The following CWF19L2 variants were observed in gnomAD, a reference collection of about 807,000 sequenced individuals.
CWF19L2 encodes CWF19-like protein 2.
Under a neutral mutation model 111.7 loss-of-function variants are expected in CWF19L2, and 98 were observed. The observed-to-expected ratio is 0.88, with a 90% CI of 0.75 to 1.04. The LOEUF is 1.04. Ranked by LOEUF, CWF19L2 falls within the 50% of genes least tolerant of loss-of-function variation. The pLI is 0.00. For missense variants in CWF19L2, 1,101 were observed against 1,051.4 expected (o/e 1.05, Z -0.65); for synonymous variants, 351 against 342.9 (o/e 1.02, Z -0.26).
At chr11:107,327,425 C>T (rs1008019626) in intron 17 of CWF19L2, among the ~76,000 whole-genome samples, 28 of 152,176 alleles carry the variant, frequency 1.8e-4, no homozygotes, top group African/African-American at 6.0e-4. Context: ...CAATTATTAA[C>T]TTTACTGCTC....
chr11:107,349,622 C>CT (rs983500108), intron 13 of CWF19L2, among the ~76,000 whole-genome samples: 5 of 48,770 alleles, frequency 1.0e-4, no homozygotes, highest in African/African-American at 9.7e-4. Flanking sequence ...TACAAACTGT[C>CT]TTAAAAAAAA....
Position 107,361,064 on chromosome 11 carries a change from T to C in CWF19L2, c.1873-7328A>G, listed in dbSNP as rs141975340. Among the ~76,000 whole-genome samples, 38 of 152,364 alleles carry C rather than the reference T, an allele frequency of 2.5e-4. No homozygotes were observed. The East Asian group carries it at 6.9e-3, about 28-fold the overall frequency. On this transcript the variant is annotated intron_variant, in intron 12 of 17. Transcript: ENST00000282251. ...GAAGAGTTTCCCCTAGGTTTTCTTC[T>C]AGAGTTTTTATGGTTTCAAGTTCTC...
At chr11:107,371,930 T>C (rs547526281) in intron 12 of CWF19L2, among the ~76,000 whole-genome samples, 1 of 137,702 alleles carries the variant, frequency 7.3e-6, no homozygotes, top group East Asian at 2.1e-4. Flanking sequence ...ATCATCCTTT[T>C]TTGTGCTTGT....
chr11:107,329,853 T>C, intron 17 of CWF19L2, 65 bp downstream of exon 17: 1 of 1,298,678 alleles, frequency 7.7e-7, no homozygotes, highest in South Asian at 1.5e-5. Context: ...AGTTTTTATT[T>C]CCTTTCAAAA....
intron 1 of CWF19L2, among the ~76,000 whole-genome samples, chr11:107,455,999 T>C (rs1861849392): frequency 6.6e-6 from 1 of 152,212 alleles, no homozygotes; most frequent in Admixed American, 6.5e-5. Flanking sequence ...CAATCTCCAG[T>C]GATTTGAGTT....
intron 17 of CWF19L2, among the ~76,000 whole-genome samples, chr11:107,328,412 T>C (rs1859795151): frequency 6.6e-6 from 1 of 152,190 alleles, no homozygotes; most frequent in Non-Finnish European, 1.5e-5. Context: ...GCTTGACTCT[T>C]GTTCTGTTAT....
In CWF19L2 at chr11:107,373,433, C is replaced by A. The variant is rs1178990985; in HGVS notation, c.1872+16641G>T. Among the ~76,000 whole-genome samples the A allele has an allele frequency of 7.3e-5, 10 of 136,172 alleles. 2 individuals are homozygous for A. The highest frequency in any genetic ancestry group is 2.9e-4 in the African/African-American group (10 of 34,034). 89.3% of individuals were successfully genotyped at this position (136,172 alleles called of 152,430 possible). Reference sequence around the variant, plus strand: ...ACGCAGCTGAAGATCTGAGAACGGGCAGACTGCCTCCTCAAGTGGGTCCCT... The same window carrying A: ...ACGCAGCTGAAGATCTGAGAACGGGAAGACTGCCTCCTCAAGTGGGTCCCT... On this transcript the variant is annotated intron_variant, in intron 12 of 17. Coordinates refer to ENST00000282251, the MANE Select transcript of CWF19L2 (RefSeq NM_152434.3).
At chr11:107,340,506 T>G (rs1178668990) in intron 14 of CWF19L2, among the ~76,000 whole-genome samples, 1 of 152,204 alleles carries the variant, frequency 6.6e-6, no homozygotes, top group East Asian at 1.9e-4. Context: ...GTTGTCTATT[T>G]GGTTTAATTA....
chr11:107,388,962 C>A (rs1860810485), intron 12 of CWF19L2, among the ~76,000 whole-genome samples: 2 of 152,102 alleles, frequency 1.3e-5, no homozygotes, highest in African/African-American at 4.8e-5. Context: ...GGTACAAAAG[C>A]CATTTCCATT....
At chr11:107,361,313 CT>C (rs1481708935) in intron 12 of CWF19L2, among the ~76,000 whole-genome samples, 2 of 152,124 alleles carry the variant, frequency 1.3e-5, no homozygotes, top group African/African-American at 4.8e-5. Flanking sequence ...ATTGATCTGG[CT>C]GTCTATTGTT....
chr11:107,392,631 T>C (rs577260911), intron 11 of CWF19L2, 148 bp downstream of exon 11: 1 of 519,014 alleles, frequency 1.9e-6, no homozygotes, highest in South Asian at 2.8e-5. Context: ...TAACTAAGAA[T>C]AAAAGTAGTA....
chr11:107,403,229 A>G (rs1184279891), intron 10 of CWF19L2, among the ~76,000 whole-genome samples: 1 of 151,634 alleles, frequency 6.6e-6, no homozygotes. Context: ...ACCAAATACC[A>G]CTGGTATAAA....
chr11:107,350,300 T>G (rs544605504), intron 13 of CWF19L2, among the ~76,000 whole-genome samples: 1 of 152,198 alleles, frequency 6.6e-6, no homozygotes, highest in Non-Finnish European at 1.5e-5. Context: ...ATAAGGAGCT[T>G]ATGGGGTGCT....
chr11:107,348,894 G>T, intron 14 of CWF19L2, 43 bp downstream of exon 14: 2 of 1,103,496 alleles, frequency 1.8e-6, no homozygotes, highest in Non-Finnish European at 1.3e-6. Flanking sequence ...TACAAAAATT[G>T]CTCATGAGTT....
Position 107,353,601 on chromosome 11 carries a change from C to T in CWF19L2, c.2008G>A (p.Ala670Thr), listed in dbSNP as rs764616680. ...CAATACAGACATTTTTCCATTTGTG[C>T]AGCAAGACTCCGATGCTCAGCAATA... ...KAIAEHRSLA[A>T]QMEKCLYCFD... The change falls in exon 13 of 18, where the codon GCA (alanine) becomes ACA (threonine). Residue 670 changes from alanine (A) to threonine (T), a missense_variant. Coordinates refer to ENST00000282251, the MANE Select transcript of CWF19L2 (RefSeq NM_152434.3). 1 of 1,613,792 alleles carries T rather than the reference C, an allele frequency of 6.2e-7. No individual in the cohort carries two copies. The highest frequency in any genetic ancestry group is 1.1e-5 in the South Asian group (1 of 91,074).
At chr11:107,433,320 A>G (rs1237715611) in intron 7 of CWF19L2, among the ~76,000 whole-genome samples, 1 of 152,122 alleles carries the variant, frequency 6.6e-6, no homozygotes, top group African/African-American at 2.4e-5. Context: ...GGAATATAAA[A>G]AATTTCAACA....
chr11:107,387,339 A>C (rs958984769), intron 12 of CWF19L2, among the ~76,000 whole-genome samples: 1 of 151,972 alleles, frequency 6.6e-6, no homozygotes, highest in African/African-American at 2.4e-5. Context: ...TCTCCTTCTA[A>C]GTGATCTCCT....
chr11:107,443,489 A>AT (rs938408298), intron 3 of CWF19L2, among the ~76,000 whole-genome samples: 61 of 152,078 alleles, frequency 4.0e-4, no homozygotes, highest in Non-Finnish European at 7.1e-4. Context: ...AAAAAAAAAA[A>AT]TTTTTTTAAA....
At chr11:107,386,669 T>C (rs1354279880) in intron 12 of CWF19L2, among the ~76,000 whole-genome samples, 2 of 152,196 alleles carry the variant, frequency 1.3e-5, no homozygotes, top group Non-Finnish European at 2.9e-5. Flanking sequence ...TTCTTAGTTT[T>C]ATTTGCTGAA....
Sources: allele counts gnomAD v4.1 joint callset (sites outside exome capture counted in the v4.1 genomes callset), GRCh38; gene constraint gnomAD v4.1.1; transcripts MANE v1.5; gene names NCBI Gene and HGNC (gene_info 2026-07-23, HGNC 2026-07-21).